Variants in AGAP1 observed in about 807,000 individuals in gnomAD.
The protein encoded by AGAP1 is ArfGAP with GTPase domain, ankyrin repeat and PH domain 1, also known as arf-GAP with GTPase, ANK repeat and PH domain-containing protein 1.
AGAP1 carries 29 observed loss-of-function variants against 105.3 expected under a neutral mutation model. The observed-to-expected ratio is 0.28, with a 90% confidence interval of 0.21 to 0.38. The LOEUF (loss-of-function observed/expected upper bound fraction) is 0.38, where lower values mean the gene tolerates loss of function less well. AGAP1 is among the 10% of genes least tolerant of loss of function. The pLI is 1.00. For missense variants in AGAP1, 998 were observed against 1,165.1 expected, an observed-to-expected ratio of 0.86 and a Z score of 2.09; for synonymous variants, 509 against 485.9, an observed-to-expected ratio of 1.05 and a Z score of -0.63.
At position 235,961,339 on chromosome 2, in the gene AGAP1, C is replaced by T. The variant is rs1467984451; in HGVS notation, c.1484-7123C>T. Among the ~76,000 whole-genome samples, 4 of 152,244 alleles carry T rather than the reference C, an allele frequency of 2.6e-5. No individual in the cohort carries two copies. The highest frequency in any genetic ancestry group is 2.9e-5 in the Non-Finnish European group (2 of 68,040). ...GCCTGCCTAGCAGAACCCCTCCACA[C>T]GGCTCCCCGTCTAAGGCGGCAGGGA... On this transcript the variant is annotated intron_variant, in intron 12 of 17. Coordinates refer to ENST00000304032, the MANE Select transcript of AGAP1 (RefSeq NM_001037131.3). This position sits in a 1 kb window ranked among gnomAD's most constrained non-coding sequence, Gnocchi z 5.9.
rs1297490370 is a variant in AGAP1, at chr2:235,574,643, TAATG to T, written c.163+79798_163+79801del. Among the ~76,000 whole-genome samples, 6 of 152,338 alleles carry T rather than the reference TAATG, an allele frequency of 3.9e-5. No homozygotes were observed. The East Asian group carries it at 1.2e-3, about 29-fold the overall frequency. On this transcript the variant is annotated intron_variant, in intron 1 of 17. Transcript: ENST00000304032. This position sits in a 1 kb window ranked among gnomAD's most constrained non-coding sequence, Gnocchi z 5.0. ...GTCCTTTTTGGTTCTGTGCGACAGTTAATGAATAGTCATGTGCATTTGACCCCTA... is the reference window on the plus strand; with the variant it reads ...GTCCTTTTTGGTTCTGTGCGACAGTTAATAGTCATGTGCATTTGACCCCTA...
rs945298939 is a variant in AGAP1 at position 235,875,787 on chromosome 2, G to C, written c.1051-7558G>C. On this transcript the variant is annotated intron_variant, in intron 9 of 17. Coordinates refer to ENST00000304032, the MANE Select transcript of AGAP1 (RefSeq NM_001037131.3). This position sits in a 1 kb window ranked among gnomAD's most constrained non-coding sequence, Gnocchi z 4.0. Reference sequence around the variant, plus strand: ...GCCCGACAGTACGTGCAGTGATTTTGATGGCTGTTTATCCGGACTAATCAG... The same window carrying C: ...GCCCGACAGTACGTGCAGTGATTTTCATGGCTGTTTATCCGGACTAATCAG... 6.6e-6 allele frequency among the ~76,000 whole-genome samples: 1 copy of C among 152,148 alleles called. No individual in the cohort carries two copies. The highest frequency in any genetic ancestry group is 1.5e-5 in the Non-Finnish European group (1 of 68,026).
At chr2:235,708,461 CAG>C (rs1491244102) in intron 1 of AGAP1, among the ~76,000 whole-genome samples, 1 of 152,114 alleles carries the variant, frequency 6.6e-6, no homozygotes, top group Admixed American at 6.5e-5. Flanking sequence ...CACAGGCAGT[CAG>C]GGGAGGCGGG....
chr2:236,022,054 CAAA>C (rs55810820), intron 13 of AGAP1, among the ~76,000 whole-genome samples: 3,189 of 89,176 alleles, frequency 0.036, 88 homozygotes, highest in African/African-American at 0.11. Flanking sequence ...GACCCTGTCT[CAAA>C]AAAAAAAAAA....
At chr2:235,955,606 G>GAAGA (rs2053914633) in intron 12 of AGAP1, among the ~76,000 whole-genome samples, 1 of 152,172 alleles carries the variant, frequency 6.6e-6, no homozygotes, top group Admixed American at 6.5e-5. Flanking sequence ...TGATGTTAAA[G>GAAGA]AAGAAAAGAA....
rs1943992968 is a variant in AGAP1, at chr2:235,556,950, C to T, written c.163+62101C>T. ...GTCTTATTTTAAATCCAGGTTTGAT[C>T]ATTTTCTGAGGATATAGCGTTTAGT... On this transcript the variant is annotated intron_variant, in intron 1 of 17. Transcript: ENST00000304032. This position sits in a 1 kb window ranked among gnomAD's most constrained non-coding sequence, Gnocchi z 5.3. Among the ~76,000 whole-genome samples the T allele has an allele frequency of 6.6e-6, 1 of 152,132 alleles. No homozygotes were observed. Among genetic ancestry groups the T allele is most frequent in the African/African-American group, 2.4e-5 (1 of 41,432 alleles).
rs1405344378 is a variant in AGAP1, at chr2:235,953,783, C to T, written c.1484-14679C>T. On this transcript the variant is annotated intron_variant, in intron 12 of 17. Coordinates refer to ENST00000304032, the MANE Select transcript of AGAP1 (RefSeq NM_001037131.3). This position sits in a 1 kb window ranked among gnomAD's most constrained non-coding sequence, Gnocchi z 5.2. ...CATCTCTACAAAGAAATTATCAGGG[C>T]ATGGTGGGTCATACCTGTGGTCCAC... Among the ~76,000 whole-genome samples the T allele has an allele frequency of 6.6e-6, 1 of 152,030 alleles. No individual in the cohort carries two copies. Among genetic ancestry groups the T allele is most frequent in the Non-Finnish European group, 1.5e-5 (1 of 68,012 alleles).
rs191130228 is a variant in AGAP1, at chr2:235,614,616, G to A, written c.164-94563G>A. 3.9e-4 allele frequency among the ~76,000 whole-genome samples: 60 copies of A among 152,324 alleles called. No individual in the cohort carries two copies. The highest frequency in any genetic ancestry group is 1.4e-3 in the African/African-American group (57 of 41,566). On this transcript the variant is annotated intron_variant, in intron 1 of 17. Coordinates refer to ENST00000304032, the MANE Select transcript of AGAP1 (RefSeq NM_001037131.3). This position sits in a 1 kb window ranked among gnomAD's most constrained non-coding sequence, Gnocchi z 4.7. ...TCCATCTGGAGCACCCAGGCCTGCA[G>A]GAGTGTGGGTTGGCTCTCTACCCCC...
rs1232622290 is a variant in AGAP1, at chr2:235,712,600, C to G, written c.222+3363C>G. Among the ~76,000 whole-genome samples the G allele has an allele frequency of 6.6e-6, 1 of 152,172 alleles. No individual in the cohort carries two copies. Among genetic ancestry groups the G allele is most frequent in the Non-Finnish European group, 1.5e-5 (1 of 68,030 alleles). On this transcript the variant is annotated intron_variant, in intron 2 of 17. Coordinates refer to ENST00000304032, the MANE Select transcript of AGAP1 (RefSeq NM_001037131.3). This position sits in a 1 kb window ranked among gnomAD's most constrained non-coding sequence, Gnocchi z 6.0. ...AGCAAACCTCAGGGTTAGTGTGGGG[C>G]TCTGGAGAAATCAGTTTAGGAAGAC...
In AGAP1 at chr2:235,732,608, C is replaced by G. The variant is rs923113326; in HGVS notation, c.311-8355C>G. ...CTCCTTCCTCTCCCCAAGCCTCTCC[C>G]GCCTTCCCATTTTCCCTGCTGGGGA... On this transcript the variant is annotated intron_variant, in intron 3 of 17. Coordinates refer to ENST00000304032, the MANE Select transcript of AGAP1 (RefSeq NM_001037131.3). The surrounding 1 kb of genome is among the most constrained non-coding windows in gnomAD (Gnocchi z 4.8). 6.6e-6 allele frequency among the ~76,000 whole-genome samples: 1 copy of G among 152,182 alleles called. No individual in the cohort carries two copies.
chr2:235,851,746 A>G (rs2048469691), intron 9 of AGAP1, among the ~76,000 whole-genome samples: 1 of 152,188 alleles, frequency 6.6e-6, no homozygotes, highest in Non-Finnish European at 1.5e-5. Context: ...ACTGCTCGCC[A>G]TAAAAATAAT....
chr2:235,510,060 C>G (rs751576338), intron 1 of AGAP1, among the ~76,000 whole-genome samples: 40 of 152,232 alleles, frequency 2.6e-4, no homozygotes, highest in Non-Finnish European at 5.0e-4. Context: ...CTGTCCCCCC[C>G]AGCTGGGACC....
rs1205039057 is a variant in AGAP1 at position 235,728,448 on chromosome 2, A to G, written c.310+10804A>G. Among the ~76,000 whole-genome samples the G allele has an allele frequency of 6.6e-6, 1 of 152,186 alleles. No individual in the cohort carries two copies. Among genetic ancestry groups the G allele is most frequent in the Non-Finnish European group, 1.5e-5 (1 of 68,042 alleles). ...AATTCATGAATGATTGACCCAGACC[A>G]GAAATGGAAACCTGATTCAACTCAC... On this transcript the variant is annotated intron_variant, in intron 3 of 17. Transcript: ENST00000304032. The surrounding 1 kb of genome is among the most constrained non-coding windows in gnomAD (Gnocchi z 4.3).
rs1359390271 is a variant in AGAP1, at chr2:235,979,793, T to C, written c.1645+11170T>C. Among the ~76,000 whole-genome samples, 1 of 152,182 alleles carries C rather than the reference T, an allele frequency of 6.6e-6. No homozygotes were observed. The highest frequency in any genetic ancestry group is 2.4e-5 in the African/African-American group (1 of 41,440). On this transcript the variant is annotated intron_variant, in intron 13 of 17. Coordinates refer to ENST00000304032, the MANE Select transcript of AGAP1 (RefSeq NM_001037131.3). This position sits in a 1 kb window ranked among gnomAD's most constrained non-coding sequence, Gnocchi z 4.5. Reference sequence around the variant, plus strand: ...CATGAAAAGTGCCTACTGCACACAGTTTAATTCTATTTAATTTTTTTAAGT... The same window carrying C: ...CATGAAAAGTGCCTACTGCACACAGCTTAATTCTATTTAATTTTTTTAAGT...
chr2:235,589,204 T>G (rs1479331715), intron 1 of AGAP1, among the ~76,000 whole-genome samples: 33 of 106,070 alleles, frequency 3.1e-4, no homozygotes, highest in East Asian at 2.4e-3. Context: ...GTTTTTTTTT[T>G]TTTTTTTTTT....
Position 235,947,852 on chromosome 2 carries a change from G to A in AGAP1, c.1483+16929G>A, listed in dbSNP as rs559549988. Among the ~76,000 whole-genome samples, 30 of 152,306 alleles carry A rather than the reference G, an allele frequency of 2.0e-4. No individual in the cohort carries two copies. The South Asian group carries it at 5.8e-3, about 29-fold the overall frequency. ...TATAGGTACTATTTGTTAAGTCTAC[G>A]CTGAAGTTCTCTGAGGTGGTACTAT... On this transcript the variant is annotated intron_variant, in intron 12 of 17. Transcript: ENST00000304032.
chr2:235,636,864 C>T (rs1297900327), intron 1 of AGAP1, among the ~76,000 whole-genome samples: 4 of 152,120 alleles, frequency 2.6e-5, no homozygotes, highest in South Asian at 2.1e-4. Context: ...GAAATTTGGA[C>T]GCAGATGCAC....
Position 236,105,132 on chromosome 2 carries a change from A to T in AGAP1, c.2115-15060A>T, listed in dbSNP as rs1011840877. ...GCCCTCACCCAGGGCAGCAGAGATC[A>T]GGGCTGACTTTCCAAGCCAGCAAGA... On this transcript the variant is annotated intron_variant, in intron 16 of 17. Transcript: ENST00000304032. This position sits in a 1 kb window ranked among gnomAD's most constrained non-coding sequence, Gnocchi z 4.2. Among the ~76,000 whole-genome samples, 1 of 152,148 alleles carries T rather than the reference A, an allele frequency of 6.6e-6. No homozygotes were observed. The highest frequency in any genetic ancestry group is 2.4e-5 in the African/African-American group (1 of 41,432).
chr2:236,049,918 G>A (rs1280298395), intron 16 of AGAP1: 1 of 152,196 alleles, frequency 6.6e-6, no homozygotes, highest in African/African-American at 2.4e-5. Context: ...TGTTCCTAAG[G>A]GGTGATAAAA....
Sources: gnomAD v4.1 joint callset for allele counts (sites outside exome capture counted in the v4.1 genomes callset) on GRCh38, gnomAD v4.1.1 for gene constraint, Gnocchi (gnomAD v3.1) non-coding constraint, MANE v1.5 for transcripts, NCBI Gene and HGNC (gene_info 2026-07-23, HGNC 2026-07-21) for gene names.